The following EPB41L4A variants were observed in gnomAD, a reference collection of about 807,000 sequenced individuals.
EPB41L4A encodes the protein band 4.1-like protein 4A.
Under a neutral mutation model 108.6 loss-of-function variants are expected in EPB41L4A, and 100 were observed. The ratio of observed to expected loss-of-function variants is 0.92; its 90% CI spans 0.78 to 1.09. EPB41L4A has a LOEUF of 1.09. EPB41L4A is among the 50% of genes least tolerant of loss of function. The pLI, the probability that EPB41L4A is intolerant of heterozygous loss-of-function variation, is 0.00. For synonymous variants in EPB41L4A, 319 were observed against 289.0 expected (o/e 1.10, Z -1.05); for missense variants, 1,030 against 842.7 (o/e 1.22, Z -2.75).
At chr5:112,201,765 TC>T (rs1182421634) in intron 15 of EPB41L4A, among the ~76,000 whole-genome samples, 1 of 152,188 alleles carries the variant, frequency 6.6e-6, no homozygotes, top group Non-Finnish European at 1.5e-5. Flanking sequence ...CTCTTGGTGT[TC>T]CCAAGGAGAA....
At chr5:112,326,515 G>A (rs1293903730) in intron 1 of EPB41L4A, among the ~76,000 whole-genome samples, 3 of 152,114 alleles carry the variant, frequency 2.0e-5, no homozygotes, top group Non-Finnish European at 4.4e-5. Flanking sequence ...ATATAAAAAG[G>A]AAAGATTGCT....
At chr5:112,405,064 A>G (rs887253828) in intron 1 of EPB41L4A, among the ~76,000 whole-genome samples, 4 of 152,170 alleles carry the variant, frequency 2.6e-5, no homozygotes, top group African/African-American at 9.7e-5. Flanking sequence ...CTCTCACACG[A>G]GTGGTGTGAC....
intron 4 of EPB41L4A, among the ~76,000 whole-genome samples, chr5:112,273,235 T>C (rs1035333624): frequency 1.3e-5 from 2 of 152,248 alleles, no homozygotes; most frequent in Non-Finnish European, 2.9e-5. Flanking sequence ...CAACAAATCA[T>C]GGACACTAAT....
chr5:112,337,332 C>T (rs558007729), intron 1 of EPB41L4A, among the ~76,000 whole-genome samples: 5 of 152,286 alleles, frequency 3.3e-5, no homozygotes, highest in Admixed American at 6.5e-5. Flanking sequence ...CTATAAAATC[C>T]GGTACCACAT....
intron 1 of EPB41L4A, among the ~76,000 whole-genome samples, chr5:112,341,200 CCT>C (rs1273056019): frequency 3.9e-5 from 6 of 152,146 alleles, no homozygotes; most frequent in African/African-American, 1.4e-4. Context: ...TGCTCTGTCC[CCT>C]GAGCCTGGTA....
Position 112,419,181 on chromosome 5 carries a change from CCG to C in EPB41L4A, c.-144_-143del, listed in dbSNP as rs1762916503. ...AGCAGCTCCCGGCGGGGTCCGGGGA[CCG>C]GCCGCCGAACCGCCCGGCGGGGCGG... On this transcript the variant is annotated 5_prime_UTR_variant, in exon 1 of 23. Coordinates refer to ENST00000261486, the MANE Select transcript of EPB41L4A (RefSeq NM_022140.5). The C allele has an allele frequency of 1.7e-6, 1 of 590,304 alleles. No individual in the cohort carries two copies. Among genetic ancestry groups the C allele is most frequent in the African/African-American group, 2.0e-5 (1 of 50,828 alleles). 36.6% of individuals were successfully genotyped at this position (590,304 alleles called of 1,614,324 possible).
At chr5:112,230,377 C>G (rs1327753616) in intron 12 of EPB41L4A, among the ~76,000 whole-genome samples, 6 of 150,982 alleles carry the variant, frequency 4.0e-5, no homozygotes, top group Admixed American at 4.0e-4. Flanking sequence ...TTCACCATAT[C>G]CACACCAACA....
At chr5:112,313,400 G>A (rs181877808) in intron 1 of EPB41L4A, among the ~76,000 whole-genome samples, 1 of 152,094 alleles carries the variant, frequency 6.6e-6, no homozygotes, top group Non-Finnish European at 1.5e-5. Context: ...GACCATCCTG[G>A]CTAACACGGT....
intron 12 of EPB41L4A, among the ~76,000 whole-genome samples, chr5:112,215,117 A>C (rs1747522534): frequency 6.6e-6 from 1 of 152,160 alleles, no homozygotes; most frequent in Admixed American, 6.5e-5. Context: ...TTGCCACTAG[A>C]GAGGAAAATT....
intron 12 of EPB41L4A, among the ~76,000 whole-genome samples, chr5:112,150,543 G>A (rs1355278482): frequency 2.0e-5 from 3 of 152,150 alleles, no homozygotes; most frequent in African/African-American, 7.2e-5. Flanking sequence ...GAATTAGTGA[G>A]TTGGAAGATA....
intron 12 of EPB41L4A, among the ~76,000 whole-genome samples, chr5:112,227,715 T>C (rs929680094): frequency 6.6e-6 from 1 of 152,228 alleles, no homozygotes; most frequent in Admixed American, 6.5e-5. Flanking sequence ...CTGACTTGCA[T>C]CTGACACAAT....
intron 15 of EPB41L4A, among the ~76,000 whole-genome samples, chr5:112,200,504 T>C (rs181670023): frequency 3.9e-5 from 6 of 152,318 alleles, no homozygotes; most frequent in African/African-American, 1.4e-4. Context: ...TATATTCCTA[T>C]GACTCATGTA....
chr5:112,347,451 T>C (rs1757753426), intron 1 of EPB41L4A, among the ~76,000 whole-genome samples: 1 of 152,150 alleles, frequency 6.6e-6, no homozygotes, highest in African/African-American at 2.4e-5. Context: ...AGGCTAGTGC[T>C]CACATTTTAA....
intron 1 of EPB41L4A, among the ~76,000 whole-genome samples, chr5:112,325,443 A>T (rs1294800287): frequency 1.1e-5 from 1 of 87,194 alleles, no homozygotes; most frequent in Non-Finnish European, 2.2e-5. Context: ...TCCGTCTCAT[A>T]AAAAAAAAAA....
At chr5:112,141,870 G>A (rs1265163337), downstream of EPB41L4A, among the ~76,000 whole-genome samples, 3 of 152,136 alleles carry the variant, frequency 2.0e-5, no homozygotes, top group African/African-American at 7.2e-5. Context: ...AGCAATTTGT[G>A]CATTTCAGTC....
At chr5:112,173,439 G>C (rs1760699487) in intron 18 of EPB41L4A, 1 of 152,042 alleles carries the variant, frequency 6.6e-6, no homozygotes, top group Non-Finnish European at 1.5e-5. Context: ...ATATGTCTGA[G>C]TGCTGGTATT....
downstream of EPB41L4A, among the ~76,000 whole-genome samples, chr5:112,159,236 CTT>C (rs1759761664): frequency 6.6e-6 from 1 of 151,922 alleles, no homozygotes; most frequent in Non-Finnish European, 1.5e-5. Context: ...ATGTATATAA[CTT>C]GATGTGTTCG....
chr5:112,275,251 T>C, intron 4 of EPB41L4A, 75 bp downstream of exon 4: 1 of 1,460,746 alleles, frequency 6.8e-7, no homozygotes, highest in South Asian at 1.3e-5. Context: ...TTTAGCCCAA[T>C]TTTAATTTGT....
intron 1 of EPB41L4A, among the ~76,000 whole-genome samples, chr5:112,366,368 C>T (rs1243376155): frequency 6.6e-6 from 1 of 151,694 alleles, no homozygotes; most frequent in African/African-American, 2.4e-5. Flanking sequence ...AGCAAAGCAA[C>T]TGAGGAGAGT....
Sources: allele counts gnomAD v4.1 joint callset (sites outside exome capture counted in the v4.1 genomes callset), GRCh38; gene constraint gnomAD v4.1.1; transcripts MANE v1.5; gene names NCBI Gene and HGNC (gene_info 2026-07-23, HGNC 2026-07-21).